The following SPATA9 variants were observed in gnomAD, a reference collection of about 807,000 sequenced individuals.
SPATA9 encodes the protein spermatogenesis-associated protein 9.
SPATA9 carries 27 observed loss-of-function variants against 25.5 expected under a neutral mutation model. The ratio of observed to expected loss-of-function variants is 1.06; its 90% CI spans 0.78 to 1.46. SPATA9 has a LOEUF of 1.46. Ranked by LOEUF, SPATA9 falls within the 40% of genes most tolerant of loss-of-function variation. SPATA9 has a pLI of 0.00. For synonymous variants in SPATA9, 102 were observed against 105.7 expected, an observed-to-expected ratio of 0.97 and a Z score of 0.21; for missense variants, 282 against 297.5, an observed-to-expected ratio of 0.95 and a Z score of 0.38.
chr5:95,684,454 C>G (rs1033252855), upstream of SPATA9: 4 of 152,246 alleles, frequency 2.6e-5, no homozygotes, highest in African/African-American at 9.7e-5. Context: ...CTCTTTTCAT[C>G]AGTCCTCTCC....
rs1751381850 is a variant in SPATA9 at position 95,662,752 on chromosome 5, AT to A, written c.474+1200del. Among the ~76,000 whole-genome samples, 4 of 152,376 alleles carry A rather than the reference AT, an allele frequency of 2.6e-5. No homozygotes were observed. In the South Asian group the frequency reaches 8.3e-4, roughly 32 times the overall value. On this transcript the variant is annotated intron_variant, in intron 4 of 4. Coordinates refer to ENST00000274432, the MANE Select transcript of SPATA9 (RefSeq NM_031952.4). Reference sequence around the variant, plus strand: ...AAAGCAAGAAGAGATTTTAACAGAAATTAACAAAGAGGATATCCAAATGTCC... The same window carrying A: ...AAAGCAAGAAGAGATTTTAACAGAAATAACAAAGAGGATATCCAAATGTCC...
Position 95,682,627 on chromosome 5 carries a change from A to G in SPATA9, c.62-11T>C. 1 of 1,603,952 alleles carries G rather than the reference A, an allele frequency of 6.2e-7. No homozygotes were observed. The highest frequency in any genetic ancestry group is 8.5e-7 in the Non-Finnish European group (1 of 1,175,486). ...TCTGGATCCCCTCGACTAAGACAAAAAGAGGTTAGGAAAAAGAAAACTTTG... is the reference window on the plus strand; with the variant it reads ...TCTGGATCCCCTCGACTAAGACAAAGAGAGGTTAGGAAAAAGAAAACTTTG... On this transcript the variant is annotated splice_polypyrimidine_tract_variant and intron_variant, in intron 1 of 4. Transcript: ENST00000274432.
At chr5:95,661,448 T>G (rs550441391) in intron 4 of SPATA9, among the ~76,000 whole-genome samples, 7 of 152,198 alleles carry the variant, frequency 4.6e-5, no homozygotes, top group African/African-American at 1.7e-4. Flanking sequence ...TCACCAAAAA[T>G]TTGTTTCTAT....
the SPATA9 span, among the ~76,000 whole-genome samples, chr5:95,727,940 G>T: frequency 6.6e-6 from 1 of 152,186 alleles, no homozygotes; most frequent in Admixed American, 6.5e-5. Flanking sequence ...TCAAGGACTG[G>T]TTCCACACTG....
chr5:95,719,041 G>A, the SPATA9 span, among the ~76,000 whole-genome samples: 2 of 151,978 alleles, frequency 1.3e-5, no homozygotes, highest in African/African-American at 4.8e-5. Context: ...GGGAGGTGAA[G>A]GTCATCATGG....
the SPATA9 span, chr5:95,731,780 C>G: frequency 6.2e-7 from 1 of 1,603,158 alleles, no homozygotes; most frequent in Non-Finnish European, 8.5e-7. Context: ...GCGCGCTGTC[C>G]CCCGCACTTC....
intron 1 of SPATA9, among the ~76,000 whole-genome samples, chr5:95,693,344 TAATA>T (rs1255359868): frequency 6.6e-6 from 1 of 152,210 alleles, no homozygotes; most frequent in Non-Finnish European, 1.5e-5. Context: ...ACTGTAGAAT[TAATA>T]AATAAAGCAT....
downstream of SPATA9, chr5:95,656,556 T>C (rs1400365894): frequency 3.1e-6 from 1 of 326,538 alleles, no homozygotes; most frequent in Admixed American, 4.6e-5. Flanking sequence ...GTTTGGGATG[T>C]TCTGTTTAAG....
chr5:95,698,122 G>A (rs1021147074), intron 1 of SPATA9, among the ~76,000 whole-genome samples: 2 of 152,168 alleles, frequency 1.3e-5, no homozygotes, highest in African/African-American at 4.8e-5. Flanking sequence ...GTACATAATA[G>A]AGTGCTTGGG....
chr5:95,730,001 T>G, the SPATA9 span, among the ~76,000 whole-genome samples: 3 of 152,086 alleles, frequency 2.0e-5, no homozygotes, highest in Admixed American at 1.3e-4. Context: ...GAAAAAGTGA[T>G]CTTGCATGCT....
chr5:95,688,849 A>G (rs1753813328), intron 1 of SPATA9, among the ~76,000 whole-genome samples: 2 of 152,318 alleles, frequency 1.3e-5, no homozygotes, highest in Admixed American at 1.3e-4. Context: ...AAACTGCTCT[A>G]GTACTCCCTA....
chr5:95,710,789 GA>G, the SPATA9 span, among the ~76,000 whole-genome samples: 1 of 152,162 alleles, frequency 6.6e-6, no homozygotes, highest in South Asian at 2.1e-4. Context: ...TTTGTCCTTT[GA>G]ATGCTTTATC....
intron 3 of SPATA9, among the ~76,000 whole-genome samples, chr5:95,674,045 A>G (rs1482573978): frequency 2.0e-5 from 3 of 152,148 alleles, no homozygotes; most frequent in African/African-American, 7.2e-5. Flanking sequence ...GTTTATTTTC[A>G]GTGATCTAAA....
At chr5:95,705,575 A>T in the SPATA9 span, among the ~76,000 whole-genome samples, 1 of 152,204 alleles carries the variant, frequency 6.6e-6, no homozygotes, top group South Asian at 2.1e-4. Flanking sequence ...AGCTGGTAAT[A>T]ATGTGTATGA....
At chr5:95,664,185 TC>T in intron 3 of SPATA9, 137 bp from the exon 4 acceptor site, 1 of 452,382 alleles carries the variant, frequency 2.2e-6, no homozygotes, top group Non-Finnish European at 3.9e-6. Context: ...CTGGGCTTTT[TC>T]ACATTGTGAA....
the SPATA9 span, among the ~76,000 whole-genome samples, chr5:95,709,456 A>G: frequency 0.23 from 34,498 of 151,932 alleles, 4,134 homozygotes; most frequent in East Asian, 0.5. Context: ...TAATTTTGTA[A>G]AAGTGTTTTT....
chr5:95,658,856 ATTC>A lies in SPATA9; in HGVS notation c.529_531del (p.Glu177del). 1.9e-6 allele frequency: 3 copies of A among 1,613,884 alleles called. No individual in the cohort carries two copies. The highest frequency in any genetic ancestry group is 2.5e-6 in the Non-Finnish European group (3 of 1,179,882). On this transcript the variant is annotated inframe_deletion, in exon 5 of 5. Transcript: ENST00000274432. ...CTCTCCTCTCTGTTTTGCCTTATGG[ATTC>A]TTCTTCCTGGAAGATGTTCTTTACC...
the SPATA9 span, among the ~76,000 whole-genome samples, chr5:95,725,521 A>G: frequency 6.6e-6 from 1 of 152,364 alleles, no homozygotes; most frequent in East Asian, 1.9e-4. Context: ...AGCCCTGAGA[A>G]TGTTCTCATT....
intron 1 of SPATA9, among the ~76,000 whole-genome samples, chr5:95,697,554 A>G (rs1754055367): frequency 6.6e-6 from 1 of 152,236 alleles, no homozygotes. Context: ...TCATCACTAG[A>G]GACAATCAAC....
Sources: gnomAD v4.1 joint callset for allele counts (sites outside exome capture counted in the v4.1 genomes callset) on GRCh38, gnomAD v4.1.1 for gene constraint, MANE v1.5 for transcripts, NCBI Gene and HGNC (gene_info 2026-07-23, HGNC 2026-07-21) for gene names.